DOCK9: variants seen among roughly 807,000 people sequenced by gnomAD.
DOCK9 encodes dedicator of cytokinesis 9, also known as dedicator of cytokinesis protein 9.
DOCK9 carries 89 observed loss-of-function variants against 263.3 expected under a neutral mutation model. The observed-to-expected ratio is 0.34, with a 90% confidence interval of 0.28 to 0.40. DOCK9 has a LOEUF of 0.40. Among genes scored for constraint, DOCK9 ranks in the 10% least tolerant of loss-of-function variants. The pLI is 1.00. For missense variants in DOCK9, 2,140 were observed against 2,603.4 expected (o/e 0.82, Z 3.87); for synonymous variants, 976 against 973.1 (o/e 1.00, Z -0.06).
Position 98,804,902 on chromosome 13 carries a change from C to T in DOCK9, c.5725+97G>A, listed in dbSNP as rs147266998. 311 of 1,342,654 alleles carry T rather than the reference C, an allele frequency of 2.3e-4. 3 individuals are homozygous for T. In the East Asian group the frequency reaches 5.6e-3, roughly 24 times the overall value. 83.2% of individuals were successfully genotyped at this position (1,342,654 alleles called of 1,614,324 possible). On this transcript the variant is annotated intron_variant, in intron 49 of 52. Coordinates refer to ENST00000682017, the MANE Select transcript of DOCK9 (RefSeq NM_001366683.2). ...GGGTGTGGGGGTGGCTAACTGAGCT[C>T]GAAAGACCCTTCCAGTCCTGAAGCT...
exon 1 of DOCK9, chr13:99,086,533 C>A: frequency 4.5e-6 from 1 of 222,964 alleles, no homozygotes; most frequent in South Asian, 1.4e-4. Flanking sequence ...CCCTCTGCAC[C>A]GTGTCACGCC....
chr13:98,880,203 G>A (rs978267727), intron 26 of DOCK9, among the ~76,000 whole-genome samples: 11 of 152,034 alleles, frequency 7.2e-5, no homozygotes, highest in African/African-American at 2.7e-4. Flanking sequence ...TGTGCTCAGC[G>A]TGGCACAACC....
chr13:98,967,036 T>G (rs2059278781), intron 1 of DOCK9, among the ~76,000 whole-genome samples: 1 of 152,268 alleles, frequency 6.6e-6, no homozygotes, highest in South Asian at 2.1e-4. Context: ...CATTCATGTT[T>G]GATAACCACT....
At chr13:98,899,348 G>A (rs938853025) in intron 13 of DOCK9, among the ~76,000 whole-genome samples, 1 of 152,116 alleles carries the variant, frequency 6.6e-6, no homozygotes, top group Admixed American at 6.5e-5. Context: ...GACTCTGTAG[G>A]CCATCAAACC....
intron 1 of DOCK9, among the ~76,000 whole-genome samples, chr13:98,985,426 G>C (rs1329977243): frequency 6.6e-6 from 1 of 151,918 alleles, no homozygotes; most frequent in Non-Finnish European, 1.5e-5. Context: ...AAAGCTCCAC[G>C]AGGGCAGCAT....
Position 98,902,971 on chromosome 13 carries a change from C to T in DOCK9, c.1176+1G>A. The T allele has an allele frequency of 6.7e-7, 1 of 1,501,660 alleles. No homozygotes were observed. The highest frequency in any genetic ancestry group is 2.7e-5 in the Admixed American group (1 of 37,422). 93.0% of individuals were successfully genotyped at this position (1,501,660 alleles called of 1,614,324 possible). A position where few individuals can be genotyped will look rare whatever the true frequency, so the allele number is the denominator to read the frequency against. ...TGTTTATTTTTAAAATGAAAAATTA[C>T]ATTTGTAGTGGGTCCTTCTTCATTT... On this transcript the variant is annotated splice_donor_variant, in intron 11 of 52. Transcript: ENST00000682017. LOFTEE classifies it high-confidence loss of function.
intron 3 of DOCK9, among the ~76,000 whole-genome samples, chr13:98,927,759 T>C (rs2053234438): frequency 6.6e-6 from 1 of 151,976 alleles, no homozygotes; most frequent in Non-Finnish European, 1.5e-5. Context: ...TAGCTGGGAT[T>C]ACAGGCGAAC....
rs776744645 is a variant in DOCK9 at position 98,824,472 on chromosome 13, C to T, written c.5056G>A (p.Val1686Ile). ...VFRQGCTAFR[V>I]ITPNIDEEAS... ...TCCTCGTCGATGTTTGGGGTAATGA[C>T]CCTGAAGGCGGTGCATCCTTGTCTA... The change falls in exon 45 of 53, where the codon GTC (valine) becomes ATC (isoleucine). Residue 1686 changes from valine to isoleucine, a missense_variant. Coordinates refer to ENST00000682017, the MANE Select transcript of DOCK9 (RefSeq NM_001366683.2). 1.2e-6 allele frequency: 2 copies of T among 1,613,866 alleles called. No individual in the cohort carries two copies. The highest frequency in any genetic ancestry group is 1.7e-6 in the Non-Finnish European group (2 of 1,179,814).
At chr13:99,041,765 C>T (rs1469001663) in intron 1 of DOCK9, among the ~76,000 whole-genome samples, 1 of 152,172 alleles carries the variant, frequency 6.6e-6, no homozygotes, top group Non-Finnish European at 1.5e-5. Flanking sequence ...CCCAGGTGAA[C>T]CCTAACTCAA....
chr13:98,885,536 TA>T (rs11411440), intron 20 of DOCK9, 171 bp downstream of exon 20: 22,520 of 472,832 alleles, frequency 0.048, 51 homozygotes, highest in East Asian at 0.075. Flanking sequence ...GCTCAAAAAT[TA>T]AAAAAAAAAA....
rs566083060 is a variant in DOCK9, at chr13:98,977,968, C to T, written c.-59G>A. ...ACTGGAACAGCTGCGAGTCCCTGGC[C>T]GTGCAAGGCACAGGCATGCCAGTGG... is the stretch of plus-strand genomic sequence containing the variant. On this transcript the variant is annotated 5_prime_UTR_variant, in exon 1 of 53. Coordinates refer to ENST00000682017, the MANE Select transcript of DOCK9 (RefSeq NM_001366683.2). The T allele has an allele frequency of 8.5e-6, 13 of 1,525,004 alleles. No individual in the cohort carries two copies. The South Asian group carries it at 1.2e-4, about 14-fold the overall frequency. The allele number at this position is 1,525,004 out of a possible 1,614,324, so 94.5% of individuals were successfully genotyped here. A position where few individuals can be genotyped will look rare whatever the true frequency, so the allele number is the denominator to read the frequency against.
intron 1 of DOCK9, among the ~76,000 whole-genome samples, chr13:99,039,277 G>A (rs1365293961): frequency 6.6e-6 from 1 of 152,188 alleles, no homozygotes; most frequent in Admixed American, 6.5e-5. Flanking sequence ...TAAAAGCCAT[G>A]GCATTCCAGC....
chr13:98,905,640 T>C (rs934379246), intron 9 of DOCK9, among the ~76,000 whole-genome samples: 12 of 152,002 alleles, frequency 7.9e-5, no homozygotes, highest in Admixed American at 7.9e-4. Flanking sequence ...TGCCAAGGAT[T>C]GGGGATTTCC....
At chr13:98,886,661 C>T (rs1391373939) in intron 18 of DOCK9, 37 bp from the exon 19 acceptor site, 6 of 1,574,098 alleles carry the variant, frequency 3.8e-6, no homozygotes, top group East Asian at 2.2e-5. Flanking sequence ...CATCACGGTT[C>T]GATTAAGTAA....
At chr13:98,824,375 C>T (rs776691348) in intron 45 of DOCK9, 23 bp downstream of exon 45, 94 of 1,608,456 alleles carry the variant, frequency 5.8e-5, no homozygotes, top group African/African-American at 8.0e-5. Flanking sequence ...TACCTGAAAG[C>T]CCACATGAGT....
At chr13:98,928,883 A>T (rs2053474868) in intron 3 of DOCK9, among the ~76,000 whole-genome samples, 1 of 152,224 alleles carries the variant, frequency 6.6e-6, no homozygotes, top group Admixed American at 6.5e-5. Flanking sequence ...TTACTAATAT[A>T]GTGGCAAAGG....
In DOCK9 at chr13:98,886,441, G is replaced by A. The variant is rs1363288195; in HGVS notation, c.2136+91C>T. Reference sequence around the variant, plus strand: ...CTCTGTAATTTCAGTGTAATATGCAGCTTCTCTTGAATTTTCCTTTACCAG... The same window carrying A: ...CTCTGTAATTTCAGTGTAATATGCAACTTCTCTTGAATTTTCCTTTACCAG... On this transcript the variant is annotated intron_variant, in intron 19 of 52. Transcript: ENST00000682017. The A allele has an allele frequency of 4.1e-6, 4 of 964,308 alleles. No homozygotes were observed. The South Asian group carries it at 6.3e-5, about 15-fold the overall frequency. 59.7% of individuals were successfully genotyped at this position (964,308 alleles called of 1,614,324 possible). A position where few individuals can be genotyped will look rare whatever the true frequency, so the allele number is the denominator to read the frequency against.
intron 27 of DOCK9, among the ~76,000 whole-genome samples, chr13:98,876,768 T>C (rs763434127): frequency 2.0e-5 from 3 of 151,920 alleles, no homozygotes; most frequent in African/African-American, 4.8e-5. Flanking sequence ...TAATGTGTGA[T>C]TAGGGCAAAG....
chr13:98,920,772 C>G (rs2051833303), intron 7 of DOCK9, among the ~76,000 whole-genome samples, 182 bp downstream of exon 7: 1 of 152,230 alleles, frequency 6.6e-6, no homozygotes, highest in East Asian at 1.9e-4. Flanking sequence ...AATTCTGCCT[C>G]TACATTATCC....
Sources: gnomAD v4.1 joint callset for allele counts (sites outside exome capture counted in the v4.1 genomes callset) on GRCh38, gnomAD v4.1.1 for gene constraint, MANE v1.5 for transcripts, NCBI Gene and HGNC (gene_info 2026-07-23, HGNC 2026-07-21) for gene names.